The following ADAMTSL3 variants were observed in gnomAD, a reference collection of about 807,000 sequenced individuals.
ADAMTSL3 encodes ADAMTS like 3, also known as ADAMTS-like protein 3.
A neutral mutation model predicts 201.7 loss-of-function variants in ADAMTSL3; 128 were observed. That is an observed-to-expected ratio of 0.63 (90% CI 0.55 to 0.73). The LOEUF (loss-of-function observed/expected upper bound fraction) is 0.73, where lower values mean the gene tolerates loss of function less well. ADAMTSL3 is among the 30% of genes least tolerant of loss of function. The probability of loss-of-function intolerance (pLI) is 0.00; values close to 1 mark genes in which losing one functional copy is unlikely to be tolerated. For missense variants in ADAMTSL3, 1,990 were observed against 2,119.6 expected, an observed-to-expected ratio of 0.94 and a Z score of 1.20; for synonymous variants, 738 against 748.4, an observed-to-expected ratio of 0.99 and a Z score of 0.23.
At position 83,691,342 on chromosome 15, in the gene ADAMTSL3, G is replaced by A. The variant is rs551848554; in HGVS notation, c.70-13047G>A. 2.0e-5 allele frequency among the ~76,000 whole-genome samples: 3 copies of A among 152,280 alleles called. No homozygotes were observed. In the East Asian group the frequency reaches 5.8e-4, roughly 29 times the overall value. ...GAATTTTGGAGTTCATCTAACACATGTTGCCCACCTTTAGCAGTGTGGAGA... is the reference window on the plus strand; with the variant it reads ...GAATTTTGGAGTTCATCTAACACATATTGCCCACCTTTAGCAGTGTGGAGA... On this transcript the variant is annotated intron_variant, in intron 2 of 29. Coordinates refer to ENST00000286744, the MANE Select transcript of ADAMTSL3 (RefSeq NM_207517.3).
intron 22 of ADAMTSL3, among the ~76,000 whole-genome samples, chr15:83,990,607 C>G (rs1225825919): frequency 1.3e-5 from 2 of 152,126 alleles, no homozygotes; most frequent in African/African-American, 4.8e-5. Flanking sequence ...CAACCCCCTC[C>G]CCCAGTATCT....
chr15:83,827,303 G>A (rs1351101380), intron 6 of ADAMTSL3, among the ~76,000 whole-genome samples: 3 of 152,168 alleles, frequency 2.0e-5, no homozygotes, highest in Non-Finnish European at 4.4e-5. Context: ...CTGTATAAAT[G>A]TCTTCTTTTG....
At chr15:83,819,740 G>T in intron 5 of ADAMTSL3, 71 bp from the exon 6 acceptor site, 1 of 1,243,056 alleles carries the variant, frequency 8.0e-7, no homozygotes, top group Non-Finnish European at 1.2e-6. Context: ...AGATTCTGGT[G>T]AACTTATTTC....
At chr15:83,747,999 G>C (rs2062575347) in intron 3 of ADAMTSL3, among the ~76,000 whole-genome samples, 2 of 151,946 alleles carry the variant, frequency 1.3e-5, no homozygotes, top group South Asian at 4.2e-4. Flanking sequence ...ATGGAAGAGA[G>C]ACCTTGTACA....
intron 23 of ADAMTSL3, among the ~76,000 whole-genome samples, chr15:83,997,513 TGG>T (rs2067709947): frequency 6.6e-6 from 1 of 152,070 alleles, no homozygotes; most frequent in Non-Finnish European, 1.5e-5. Flanking sequence ...CGCTTGAACC[TGG>T]GAGGCAGAGG....
chr15:83,789,071 A>G (rs1345020800), intron 4 of ADAMTSL3, among the ~76,000 whole-genome samples: 1 of 152,170 alleles, frequency 6.6e-6, no homozygotes, highest in African/African-American at 2.4e-5. Flanking sequence ...TCAGCCTCCC[A>G]AAGTGTTGGG....
chr15:83,846,909 G>GT (rs1475955342), intron 7 of ADAMTSL3, among the ~76,000 whole-genome samples: 1 of 152,186 alleles, frequency 6.6e-6, no homozygotes, highest in East Asian at 1.9e-4. Flanking sequence ...TAGATGCTGT[G>GT]TGACATAGTC....
intron 4 of ADAMTSL3, among the ~76,000 whole-genome samples, chr15:83,798,684 G>C (rs2063469377): frequency 6.6e-6 from 1 of 151,928 alleles, no homozygotes; most frequent in Admixed American, 6.6e-5. Context: ...GTGCATGCCT[G>C]TAATCCCAGC....
At chr15:84,015,126 A>G (rs1332798128) in intron 24 of ADAMTSL3, among the ~76,000 whole-genome samples, 1 of 151,996 alleles carries the variant, frequency 6.6e-6, no homozygotes, top group African/African-American at 2.4e-5. Flanking sequence ...TTGTATTTTT[A>G]GTAGAGATGG....
At chr15:83,865,057 G>T (rs1166827556) in intron 8 of ADAMTSL3, among the ~76,000 whole-genome samples, 1 of 151,932 alleles carries the variant, frequency 6.6e-6, no homozygotes, top group Admixed American at 6.6e-5. Context: ...AACTTACAAG[G>T]GACATGAAGG....
At chr15:83,976,191 G>A (rs2067284453) in intron 20 of ADAMTSL3, among the ~76,000 whole-genome samples, 1 of 152,086 alleles carries the variant, frequency 6.6e-6, no homozygotes, top group African/African-American at 2.4e-5. Context: ...TGTTGTGGTC[G>A]CCTATTTCCA....
At chr15:84,033,077 AT>A (rs1400110251) in intron 28 of ADAMTSL3, among the ~76,000 whole-genome samples, 1 of 151,628 alleles carries the variant, frequency 6.6e-6, no homozygotes, top group African/African-American at 2.4e-5. Flanking sequence ...TATTCCTTAT[AT>A]TTTTTTTCTT....
Position 83,655,914 on chromosome 15 carries a change from G to A in ADAMTSL3, c.69+84G>A, listed in dbSNP as rs2061077199. On this transcript the variant is annotated intron_variant, in intron 2 of 29. Transcript: ENST00000286744. ...CATTATTGTATACCACCTAAGATGT[G>A]GCATGATTAGTGTTAATCCTACACC... 2.9e-6 allele frequency: 4 copies of A among 1,359,240 alleles called. No homozygotes were observed. The East Asian group carries it at 7.4e-5, about 25-fold the overall frequency. 84.2% of individuals were successfully genotyped at this position (1,359,240 alleles called of 1,614,324 possible).
chr15:83,770,807 T>C (rs1398873441), intron 3 of ADAMTSL3, among the ~76,000 whole-genome samples: 2 of 152,190 alleles, frequency 1.3e-5, no homozygotes, highest in East Asian at 3.9e-4. Flanking sequence ...TGGTGGCTCA[T>C]GCCTGTAATC....
intron 5 of ADAMTSL3, among the ~76,000 whole-genome samples, chr15:83,818,525 C>T (rs2063803521): frequency 6.6e-6 from 1 of 152,186 alleles, no homozygotes; most frequent in South Asian, 2.1e-4. Context: ...CGGGGTTTCA[C>T]CATTTTGGCC....
At chr15:83,714,818 C>A (rs2061985231) in intron 3 of ADAMTSL3, among the ~76,000 whole-genome samples, 1 of 124,340 alleles carries the variant, frequency 8.0e-6, no homozygotes, top group Admixed American at 9.7e-5. Context: ...TTCTTTCTTT[C>A]TTTCCTTCTC....
intron 3 of ADAMTSL3, among the ~76,000 whole-genome samples, chr15:83,751,745 A>G (rs1379942740): frequency 1.3e-5 from 2 of 152,226 alleles, no homozygotes; most frequent in African/African-American, 4.8e-5. Flanking sequence ...TTATGGAGTT[A>G]CTTTCATCTT....
intron 2 of ADAMTSL3, among the ~76,000 whole-genome samples, chr15:83,685,563 A>G (rs1372255565): frequency 6.6e-6 from 1 of 152,012 alleles, no homozygotes; most frequent in Non-Finnish European, 1.5e-5. Context: ...TTCCTCTTAT[A>G]TTTTCTTCTA....
chr15:83,804,969 A>G (rs1050120467), intron 5 of ADAMTSL3, among the ~76,000 whole-genome samples: 11 of 152,222 alleles, frequency 7.2e-5, no homozygotes, highest in African/African-American at 2.4e-4. Flanking sequence ...TTCAAAGTTC[A>G]GAATGCTTTT....
Sources: gnomAD v4.1 joint callset for allele counts (sites outside exome capture counted in the v4.1 genomes callset) on GRCh38, gnomAD v4.1.1 for gene constraint, MANE v1.5 for transcripts, NCBI Gene and HGNC (gene_info 2026-07-23, HGNC 2026-07-21) for gene names.